Variants in CADPS2 observed in about 807,000 individuals in gnomAD.
The protein encoded by CADPS2 is calcium-dependent secretion activator 2.
In CADPS2, 93 loss-of-function variants were observed where a neutral mutation model predicts 172.5. The observed-to-expected ratio is 0.54, with a 90% confidence interval of 0.46 to 0.64. The LOEUF is 0.64. CADPS2 is among the 30% of genes least tolerant of loss of function. The pLI is 0.00. For missense variants in CADPS2, 1,420 were observed against 1,565.9 expected, an observed-to-expected ratio of 0.91 and a Z score of 1.57; for synonymous variants, 546 against 555.2, an observed-to-expected ratio of 0.98 and a Z score of 0.23.
intron 1 of CADPS2, among the ~76,000 whole-genome samples, chr7:122,826,634 A>C (rs1804962740): frequency 1.3e-5 from 2 of 152,172 alleles, no homozygotes; most frequent in African/African-American, 2.4e-5. Context: ...GAAGAAAAAA[A>C]AATAAGAAAT....
intron 5 of CADPS2, among the ~76,000 whole-genome samples, chr7:122,618,525 AATTTT>A (rs1474083151): frequency 6.6e-6 from 1 of 152,176 alleles, no homozygotes; most frequent in Non-Finnish European, 1.5e-5. Flanking sequence ...GGGTGGGAGC[AATTTT>A]AAAGAGAAGG....
chr7:122,530,527 A>T (rs1192106687), intron 8 of CADPS2, among the ~76,000 whole-genome samples: 1 of 152,138 alleles, frequency 6.6e-6, no homozygotes, highest in East Asian at 1.9e-4. Context: ...CTTTCAAAAG[A>T]TAAATTTTCT....
chr7:122,834,639 T>C (rs1033819418), intron 1 of CADPS2, among the ~76,000 whole-genome samples: 1 of 152,208 alleles, frequency 6.6e-6, no homozygotes, highest in Non-Finnish European at 1.5e-5. Context: ...GGAGATTATA[T>C]ACGGCGCCTG....
intron 1 of CADPS2, among the ~76,000 whole-genome samples, chr7:122,845,364 G>C (rs907356864): frequency 3.9e-5 from 6 of 152,136 alleles, no homozygotes; most frequent in African/African-American, 1.4e-4. Flanking sequence ...GTAAAGGTTT[G>C]ATGTCAGATA....
At chr7:122,738,441 T>C (rs1461815078) in intron 1 of CADPS2, among the ~76,000 whole-genome samples, 1 of 150,008 alleles carries the variant, frequency 6.7e-6, no homozygotes, top group Non-Finnish European at 1.5e-5. Flanking sequence ...GAAAACAACA[T>C]AGTCTTGGAG....
At chr7:122,386,385 G>A (rs2043674938) in intron 24 of CADPS2, 6 of 927,936 alleles carry the variant, frequency 6.5e-6, no homozygotes, top group Non-Finnish European at 9.1e-6. Context: ...TGAAGAAAAA[G>A]TAATTACAAT....
chr7:122,555,819 G>A (rs1175805857), intron 7 of CADPS2, among the ~76,000 whole-genome samples: 1 of 152,060 alleles, frequency 6.6e-6, no homozygotes, highest in Non-Finnish European at 1.5e-5. Context: ...ATACTAAAAT[G>A]TTTTGAAAGC....
chr7:122,512,445 C>T (rs1230934066), intron 9 of CADPS2, among the ~76,000 whole-genome samples: 1 of 152,034 alleles, frequency 6.6e-6, no homozygotes, highest in African/African-American at 2.4e-5. Flanking sequence ...ATGACTATTA[C>T]TTAGAAGGGT....
intron 8 of CADPS2, among the ~76,000 whole-genome samples, chr7:122,535,156 A>G (rs2062127202): frequency 6.6e-6 from 1 of 152,088 alleles, no homozygotes. Flanking sequence ...GTGAACTGAC[A>G]GTGATCACTT....
chr7:122,378,863 C>G (rs1363803938), intron 25 of CADPS2: 2 of 153,548 alleles, frequency 1.3e-5, no homozygotes, highest in Non-Finnish European at 2.9e-5. Context: ...TTCATCTCTA[C>G]TTATACAGTG....
intron 1 of CADPS2, among the ~76,000 whole-genome samples, chr7:122,843,194 C>T (rs1406274827): frequency 6.6e-6 from 1 of 151,862 alleles, no homozygotes; most frequent in Non-Finnish European, 1.5e-5. Context: ...TGAATGAATG[C>T]TAGACAAAAG....
At chr7:122,874,954 T>G (rs974370456) in intron 1 of CADPS2, among the ~76,000 whole-genome samples, 2 of 152,232 alleles carry the variant, frequency 1.3e-5, no homozygotes, top group South Asian at 2.1e-4. Flanking sequence ...GGCAACAAAC[T>G]TCTTTAAAAA....
At chr7:122,853,948 A>G (rs1464580258) in intron 1 of CADPS2, among the ~76,000 whole-genome samples, 2 of 152,128 alleles carry the variant, frequency 1.3e-5, no homozygotes, top group African/African-American at 4.8e-5. Flanking sequence ...TGTGGGGAGG[A>G]GTCCCTGATA....
intron 5 of CADPS2, among the ~76,000 whole-genome samples, chr7:122,620,115 A>C (rs542272310): frequency 6.6e-6 from 1 of 152,356 alleles, no homozygotes; most frequent in East Asian, 1.9e-4. Flanking sequence ...GTTTCAATAA[A>C]AAAATTGAAA....
chr7:122,797,144 CACA>C (rs1275890732), intron 1 of CADPS2, among the ~76,000 whole-genome samples: 26 of 151,460 alleles, frequency 1.7e-4, no homozygotes, highest in Admixed American at 1.7e-3. Flanking sequence ...CAAATCAAAC[CACA>C]ACGAGATATC....
chr7:122,435,583 A>T (rs1243427818), intron 17 of CADPS2, among the ~76,000 whole-genome samples: 1 of 152,166 alleles, frequency 6.6e-6, no homozygotes, highest in African/African-American at 2.4e-5. Flanking sequence ...AAATGTAATT[A>T]GGTGCAGCCA....
chr7:122,335,035 G>A (rs566254185), intron 28 of CADPS2, among the ~76,000 whole-genome samples: 2 of 152,240 alleles, frequency 1.3e-5, no homozygotes, highest in South Asian at 4.1e-4. Flanking sequence ...TTCCTATTGA[G>A]TAATTGTGAC....
intron 24 of CADPS2, among the ~76,000 whole-genome samples, chr7:122,381,003 C>T (rs537241083): frequency 7.1e-4 from 108 of 152,224 alleles, no homozygotes; most frequent in African/African-American, 2.4e-3. Context: ...GGCAGTTAAA[C>T]TTCTGATCCA....
intron 1 of CADPS2, among the ~76,000 whole-genome samples, chr7:122,830,838 T>C (rs962619790): frequency 2.6e-5 from 4 of 152,160 alleles, no homozygotes; most frequent in African/African-American, 9.6e-5. Context: ...GCTTTCCATC[T>C]GCAAATCTCT....
Sources: gnomAD v4.1 joint callset for allele counts (sites outside exome capture counted in the v4.1 genomes callset) on GRCh38, gnomAD v4.1.1 for gene constraint, MANE v1.5 for transcripts, NCBI Gene and HGNC (gene_info 2026-07-23, HGNC 2026-07-21) for gene names.